Variants in TUSC3 observed in about 807,000 individuals in gnomAD.
TUSC3 encodes the protein dolichyl-diphosphooligosaccharide--protein glycosyltransferase subunit TUSC3.
In TUSC3, 45 loss-of-function variants were observed where a neutral mutation model predicts 44.8. The ratio of observed to expected loss-of-function variants is 1.00; its 90% CI spans 0.79 to 1.29. TUSC3 has a LOEUF of 1.29. Among genes scored for constraint, TUSC3 ranks in the 50% most tolerant of loss-of-function variants. The pLI, the probability that TUSC3 is intolerant of heterozygous loss-of-function variation, is 0.00. For synonymous variants in TUSC3, 212 were observed against 152.9 expected (o/e 1.39, Z -2.85); for missense variants, 519 against 437.9 (o/e 1.19, Z -1.65).
At chr8:15,556,744 C>G (rs1208468117) in intron 1 of TUSC3, among the ~76,000 whole-genome samples, 1 of 141,876 alleles carries the variant, frequency 7.0e-6, no homozygotes, top group Non-Finnish European at 1.5e-5. Context: ...TTGCATTTCT[C>G]TGATGGCCAG....
chr8:15,569,733 C>A (rs1802802188), intron 1 of TUSC3, among the ~76,000 whole-genome samples: 1 of 152,038 alleles, frequency 6.6e-6, no homozygotes, highest in South Asian at 2.1e-4. Context: ...GTGTTTGATG[C>A]ATTTTTGTTG....
chr8:15,636,808 G>A (rs1806099778), intron 2 of TUSC3, among the ~76,000 whole-genome samples: 1 of 152,118 alleles, frequency 6.6e-6, no homozygotes, highest in African/African-American at 2.4e-5. Context: ...AAGGTGTTGG[G>A]CCTCCTTTTT....
intron 2 of TUSC3, among the ~76,000 whole-genome samples, chr8:15,628,972 G>A (rs533116428): frequency 6.6e-6 from 1 of 152,218 alleles, no homozygotes; most frequent in African/African-American, 2.4e-5. Flanking sequence ...TGACAAACTG[G>A]TTGTGATACA....
In TUSC3 at chr8:15,427,006, T is replaced by C. The variant is rs983401652; in HGVS notation, n.91+9701T>C. On this transcript the variant is annotated intron_variant and non_coding_transcript_variant, in intron 1 of 5. Coordinates refer to the TUSC3 transcript ENST00000503191. ...TTTTCATATACCTGGTTGGCATTTG[T>C]ACGTCTACATTGAAGAAATGTTTAA... is the stretch of plus-strand genomic sequence containing the variant. 4.6e-5 allele frequency among the ~76,000 whole-genome samples: 7 copies of C among 152,124 alleles called. No homozygotes were observed. In the South Asian group the frequency reaches 8.3e-4, roughly 18 times the overall value.
intron 1 of TUSC3, among the ~76,000 whole-genome samples, chr8:15,442,050 T>C (rs1800027854): frequency 6.6e-6 from 1 of 152,202 alleles, no homozygotes; most frequent in Non-Finnish European, 1.5e-5. Context: ...GGCTTCCTTT[T>C]TTTAAATGGC....
At chr8:15,423,969 G>GTT (rs112397215) in intron 1 of TUSC3, among the ~76,000 whole-genome samples, 11 of 70,386 alleles carry the variant, frequency 1.6e-4, no homozygotes, top group East Asian at 5.5e-4. Context: ...GTTTTGCTTT[G>GTT]TTTTTTTTTT....
chr8:15,719,604 G>A (rs577817885), intron 6 of TUSC3, among the ~76,000 whole-genome samples: 1 of 151,560 alleles, frequency 6.6e-6, no homozygotes, highest in Admixed American at 6.6e-5. Context: ...ACCTGCCTAG[G>A]AATGTAACTT....
chr8:15,536,447 C>T (rs182045719), upstream of TUSC3, among the ~76,000 whole-genome samples: 13 of 151,752 alleles, frequency 8.6e-5, no homozygotes, highest in African/African-American at 2.7e-4. Flanking sequence ...TTTGGGATGC[C>T]GAGGTGGGTG....
rs972292700 is a variant in TUSC3 at position 15,711,419 on chromosome 8, A to G, written c.799-19247A>G. On this transcript the variant is annotated intron_variant, in intron 6 of 10. Transcript: ENST00000503731. Reference sequence around the variant, plus strand: ...TTTACTTTTTCTAAACCAAAAACTTATCTCAGAAAAGAGGTTACCAGGTTT... The same window carrying G: ...TTTACTTTTTCTAAACCAAAAACTTGTCTCAGAAAAGAGGTTACCAGGTTT... 2.0e-5 allele frequency among the ~76,000 whole-genome samples: 3 copies of G among 150,496 alleles called. No individual in the cohort carries two copies. In the Admixed American group the frequency reaches 2.0e-4, roughly 10 times the overall value.
chr8:15,835,326 G>A, the TUSC3 span, among the ~76,000 whole-genome samples: 6 of 151,328 alleles, frequency 4.0e-5, no homozygotes, highest in Non-Finnish European at 7.4e-5. Flanking sequence ...TAGAATTTAT[G>A]CTTTTTCTCC....
intron 3 of TUSC3, among the ~76,000 whole-genome samples, chr8:15,658,962 T>G (rs949271663): frequency 6.6e-6 from 1 of 152,108 alleles, no homozygotes; most frequent in South Asian, 2.1e-4. Context: ...TAAATTTAAC[T>G]TGTTAAGAGC....
At chr8:15,805,437 T>C in the TUSC3 span, among the ~76,000 whole-genome samples, 1 of 152,184 alleles carries the variant, frequency 6.6e-6, no homozygotes, top group Non-Finnish European at 1.5e-5. Context: ...ATTCAGCTTT[T>C]GCCTGTTTAG....
At chr8:15,718,247 T>C (rs1360697140) in intron 6 of TUSC3, among the ~76,000 whole-genome samples, 3 of 152,212 alleles carry the variant, frequency 2.0e-5, no homozygotes, top group African/African-American at 7.2e-5. Context: ...CAGAATCAGT[T>C]GGGTCAAAGT....
At chr8:15,517,550 A>G (rs947992814) in intron 2 of TUSC3, among the ~76,000 whole-genome samples, 1 of 122,794 alleles carries the variant, frequency 8.1e-6, no homozygotes, top group South Asian at 2.6e-4. Flanking sequence ...AAAAAAAAAA[A>G]AAAAAAGCCC....
chr8:15,768,061 A>C (rs1291480355), downstream of TUSC3, among the ~76,000 whole-genome samples: 2 of 152,170 alleles, frequency 1.3e-5, no homozygotes, highest in African/African-American at 2.4e-5. Context: ...ACAGGAAGTG[A>C]AGACTAAAAC....
chr8:15,815,363 C>A, the TUSC3 span, among the ~76,000 whole-genome samples: 71,451 of 151,864 alleles, frequency 0.47, 18,313 homozygotes, highest in East Asian at 0.7. Context: ...CCTGAGTCAG[C>A]TGGAGTCCCT....
At position 15,528,954 on chromosome 8, in the gene TUSC3, A is replaced by T. The variant is rs552997890; in HGVS notation, n.189+45471A>T. On this transcript the variant is annotated intron_variant and non_coding_transcript_variant, in intron 2 of 5. Coordinates refer to the TUSC3 transcript ENST00000503191. ...ATGACCTTTACCTTACTCTTTCATTACTCCTTTGTCACCGCAGTTAATAAC... is the reference window on the plus strand; with the variant it reads ...ATGACCTTTACCTTACTCTTTCATTTCTCCTTTGTCACCGCAGTTAATAAC... Among the ~76,000 whole-genome samples, 11 of 152,172 alleles carry T rather than the reference A, an allele frequency of 7.2e-5. No homozygotes were observed. The East Asian group carries it at 1.7e-3, about 24-fold the overall frequency.
intron 1 of TUSC3, among the ~76,000 whole-genome samples, chr8:15,584,681 T>A (rs1169652522): frequency 6.6e-6 from 1 of 151,878 alleles, no homozygotes; most frequent in Non-Finnish European, 1.5e-5. Flanking sequence ...GCCCGTTGGA[T>A]CTGGAATATG....
intron 1 of TUSC3, among the ~76,000 whole-genome samples, chr8:15,581,983 T>C (rs369507875): frequency 0.12 from 18,445 of 149,284 alleles, 1,304 homozygotes; most frequent in African/African-American, 0.18. Flanking sequence ...TAGGACCCTC[T>C]GAGCCAGGTG....
Sources: allele counts gnomAD v4.1 joint callset (sites outside exome capture counted in the v4.1 genomes callset), GRCh38; gene constraint gnomAD v4.1.1; transcripts MANE v1.5; gene names NCBI Gene and HGNC (gene_info 2026-07-23, HGNC 2026-07-21).